ABCA12: variants seen among roughly 807,000 people sequenced by gnomAD.
ABCA12 encodes ATP binding cassette subfamily A member 12.
In ABCA12, 156 loss-of-function variants were observed where a neutral mutation model predicts 293.5. The ratio of observed to expected loss-of-function variants is 0.53; its 90% CI spans 0.47 to 0.61. The LOEUF is 0.61. Ranked by LOEUF, ABCA12 falls within the 20% of genes least tolerant of loss-of-function variation. The pLI is 0.00. For missense variants in ABCA12, 2,797 were observed against 3,090.2 expected (o/e 0.91, Z 2.25); for synonymous variants, 1,063 against 1,108.0 (o/e 0.96, Z 0.81).
intron 1 of ABCA12, among the ~76,000 whole-genome samples, chr2:215,121,872 C>G (rs976748476): frequency 1.3e-5 from 2 of 152,118 alleles, no homozygotes; most frequent in African/African-American, 2.4e-5. Flanking sequence ...TGCCTTCCAC[C>G]ATGAATGTGA....
At chr2:214,975,415 T>TA (rs1178199570) in intron 34 of ABCA12, among the ~76,000 whole-genome samples, 6 of 152,248 alleles carry the variant, frequency 3.9e-5, no homozygotes, top group African/African-American at 1.4e-4. Flanking sequence ...ATTGTATATG[T>TA]AACATTATAT....
At position 215,134,614 on chromosome 2, in the gene ABCA12, TATAG is replaced by T. The variant is rs1301531733; in HGVS notation, c.69+3522_69+3525del. 4.8e-3 allele frequency among the ~76,000 whole-genome samples: 412 copies of T among 86,264 alleles called. 33 individuals carry two copies. Among genetic ancestry groups the T allele is most frequent in the African/African-American group, 0.033 (356 of 10,930 alleles). 56.6% of individuals were successfully genotyped at this position (86,264 alleles called of 152,430 possible). On this transcript the variant is annotated intron_variant, in intron 1 of 52. Transcript: ENST00000272895. The stretch of plus-strand genomic sequence containing the variant: ...CTCTCTCTCTCTATATATATATATA[TATAG>T]AGAGAGAGAGAGAGAGAGAGAGACA...
chr2:215,018,076 T>C lies in ABCA12; in HGVS notation c.1714A>G (p.Thr572Ala). ...VEELKEDLRR[T>A]TGMSNRTIDK... is the part of the protein sequence containing the mutation. ...ATAGTCCTGTTGGACATTCCTGTTG[T>C]TCTCCTTAAATCTTCTTTCAGCTCT... The change falls in exon 14 of 53, where the codon ACA (threonine) becomes GCA (alanine). Residue 572 changes from threonine (T) to alanine (A), a missense_variant. This residue lies in a region of ABCA12 where 656 missense variants were observed against 638.2 expected (regional missense o/e 1.03). Coordinates refer to ENST00000272895, the MANE Select transcript of ABCA12 (RefSeq NM_173076.3). The C allele has an allele frequency of 6.2e-7, 1 of 1,614,156 alleles. No homozygotes were observed. The highest frequency in any genetic ancestry group is 2.2e-5 in the East Asian group (1 of 44,872).
At chr2:215,066,560 C>T (rs1207780804) in intron 2 of ABCA12, among the ~76,000 whole-genome samples, 2 of 152,056 alleles carry the variant, frequency 1.3e-5, no homozygotes, top group African/African-American at 4.8e-5. Flanking sequence ...AGGAATTTAA[C>T]CCACAACATT....
chr2:215,058,666 C>T (rs4144853), intron 3 of ABCA12, among the ~76,000 whole-genome samples: 97,387 of 151,802 alleles, frequency 0.64, 31,880 homozygotes, highest in African/African-American at 0.77. Context: ...ATGGCATCAG[C>T]TTACTAACTT....
At chr2:215,051,424 T>A (rs1463741988) in intron 5 of ABCA12, among the ~76,000 whole-genome samples, 1 of 152,136 alleles carries the variant, frequency 6.6e-6, no homozygotes, top group Non-Finnish European at 1.5e-5. Flanking sequence ...TTGGCTCATT[T>A]ATATAACTCA....
intron 22 of ABCA12, among the ~76,000 whole-genome samples, 187 bp from the exon 23 acceptor site, chr2:214,997,996 T>G (rs1296261890): frequency 2.1e-5 from 3 of 142,012 alleles, no homozygotes; most frequent in Non-Finnish European, 3.0e-5. Context: ...GGTCTGTGAT[T>G]TTTTTAGTGT....
chr2:214,962,994 T>C (rs1699155162), intron 39 of ABCA12: 1 of 151,924 alleles, frequency 6.6e-6, no homozygotes. Context: ...TAACCTAACA[T>C]CTTAACTAAA....
chr2:215,053,128 T>C (rs552381218), intron 4 of ABCA12, among the ~76,000 whole-genome samples: 1 of 152,268 alleles, frequency 6.6e-6, no homozygotes, highest in East Asian at 1.9e-4. Flanking sequence ...CTGGACTACA[T>C]ACAGTATACT....
At chr2:215,076,149 C>T (rs1048425769) in intron 2 of ABCA12, among the ~76,000 whole-genome samples, 19 of 152,258 alleles carry the variant, frequency 1.2e-4, no homozygotes, top group Non-Finnish European at 2.2e-4. Context: ...TGACTTTTTT[C>T]CTCAACCAAA....
At chr2:215,054,504 C>T in intron 4 of ABCA12, 69 bp downstream of exon 4, 2 of 1,310,468 alleles carry the variant, frequency 1.5e-6, no homozygotes, top group African/African-American at 2.9e-5. Flanking sequence ...AAAGTATAAA[C>T]CTTTCAAAGA....
At position 215,078,270 on chromosome 2, in the gene ABCA12, A is replaced by G. The variant is rs111865543; in HGVS notation, c.164-14051T>C. 5.8e-3 allele frequency among the ~76,000 whole-genome samples: 881 copies of G among 152,340 alleles called. 7 individuals carry two copies. Among genetic ancestry groups the G allele is most frequent in the Middle Eastern group, 0.014 (4 of 294 alleles). On this transcript the variant is annotated intron_variant, in intron 2 of 52. Transcript: ENST00000272895. Reference sequence around the variant, plus strand: ...AACAATAGCCAGGGAAAACAATCCCATTCATTCCCCTTGACTCCTACAGCT... The same window carrying G: ...AACAATAGCCAGGGAAAACAATCCCGTTCATTCCCCTTGACTCCTACAGCT...
At chr2:215,111,790 C>G in intron 1 of ABCA12, 100 bp from the exon 2 acceptor site, 2 of 846,032 alleles carry the variant, frequency 2.4e-6, no homozygotes, top group South Asian at 3.0e-5. Context: ...TATTTCAACA[C>G]AAGCTGAATA....
chr2:215,127,104 A>G (rs1702943890), intron 1 of ABCA12, among the ~76,000 whole-genome samples: 1 of 152,144 alleles, frequency 6.6e-6, no homozygotes, highest in Admixed American at 6.6e-5. Context: ...CATGGTTGTG[A>G]AGGCTCCTTT....
At chr2:214,961,705 T>G (rs1292116570) in intron 39 of ABCA12, 2 of 152,198 alleles carry the variant, frequency 1.3e-5, no homozygotes, top group Non-Finnish European at 2.9e-5. Context: ...CAATTCACTT[T>G]AGTCATCATT....
At chr2:214,996,016 A>C (rs1424262985) in intron 23 of ABCA12, among the ~76,000 whole-genome samples, 1 of 152,176 alleles carries the variant, frequency 6.6e-6, no homozygotes, top group Non-Finnish European at 1.5e-5. Flanking sequence ...ATTGGAATAC[A>C]AAACCTGATA....
chr2:214,986,700 G>T lies in ABCA12; in HGVS notation c.4005C>A (p.Ile1335=). The change falls in exon 28 of 53, where the codon ATC becomes ATA. Residue 1335 remains isoleucine, a synonymous_variant. Coordinates refer to ENST00000272895, the MANE Select transcript of ABCA12 (RefSeq NM_173076.3). ...ASPEYMFSSN[I]EPEPKDLTVG... ...CTGTGAGATCTTTAGGTTCAGGCTC[G>T]ATGTTAGAGGAAAACATGTATTCAG... is the stretch of plus-strand genomic sequence containing the variant. The T allele has an allele frequency of 6.2e-7, 1 of 1,614,046 alleles. No individual in the cohort carries two copies. The highest frequency in any genetic ancestry group is 8.5e-7 in the Non-Finnish European group (1 of 1,179,968).
At chr2:214,948,509 G>T in intron 47 of ABCA12, 87 bp downstream of exon 47, 1 of 1,414,512 alleles carries the variant, frequency 7.1e-7, no homozygotes, top group South Asian at 1.2e-5. Flanking sequence ...TGGTGGGGCA[G>T]GGGGGACAGT....
intron 2 of ABCA12, among the ~76,000 whole-genome samples, chr2:215,074,344 T>C (rs1321173131): frequency 1.3e-5 from 2 of 152,234 alleles, no homozygotes; most frequent in African/African-American, 4.8e-5. Context: ...AGCACCTTAG[T>C]GTTTGTGCAT....
Sources: allele counts gnomAD v4.1 joint callset (sites outside exome capture counted in the v4.1 genomes callset), GRCh38; gene constraint gnomAD v4.1.1; regional missense constraint gnomAD v4.1.1; transcripts MANE v1.5; gene names NCBI Gene and HGNC (gene_info 2026-07-23, HGNC 2026-07-21).